The following PBRM1 variants were observed in gnomAD, a reference collection of about 807,000 sequenced individuals.
PBRM1 encodes the protein polybromo 1.
PBRM1 carries 27 observed loss-of-function variants against 194.5 expected under a neutral mutation model. That is an observed-to-expected ratio of 0.14 (90% confidence interval 0.10 to 0.19). PBRM1 has a LOEUF of 0.19. Ranked by LOEUF, PBRM1 falls within the 10% of genes least tolerant of loss-of-function variation. The pLI is 1.00. For synonymous variants in PBRM1, 655 were observed against 693.2 expected (o/e 0.94, Z 0.87); for missense variants, 1,466 against 2,077.2 (o/e 0.71, Z 5.72).
chr3:52,594,921 G>A (rs1046391371), intron 17 of PBRM1, among the ~76,000 whole-genome samples: 3 of 152,156 alleles, frequency 2.0e-5, no homozygotes, highest in African/African-American at 7.2e-5. Flanking sequence ...GGCTTGCAGC[G>A]TTTGTGCTGA....
At chr3:52,658,975 G>A (rs1050555860) in intron 4 of PBRM1, among the ~76,000 whole-genome samples, 3 of 152,294 alleles carry the variant, frequency 2.0e-5, no homozygotes, top group African/African-American at 7.2e-5. Flanking sequence ...TATATCTGCT[G>A]TTCACATCTA....
chr3:52,601,260 C>T (rs934965012), intron 17 of PBRM1, among the ~76,000 whole-genome samples: 1 of 152,250 alleles, frequency 6.6e-6, no homozygotes, highest in African/African-American at 2.4e-5. Context: ...TGGCTTAGGG[C>T]GGCAGCCCCC....
chr3:52,616,845 T>C (rs1456585583), intron 14 of PBRM1, among the ~76,000 whole-genome samples: 1 of 152,208 alleles, frequency 6.6e-6, no homozygotes, highest in African/African-American at 2.4e-5. Context: ...GTAGTAATGA[T>C]GATGATGAAA....
chr3:52,588,700 G>A (rs998181190), intron 18 of PBRM1, among the ~76,000 whole-genome samples: 6 of 151,798 alleles, frequency 4.0e-5, no homozygotes, highest in South Asian at 2.1e-4. Context: ...GACTACAGGC[G>A]CCCGCCACCA....
At chr3:52,593,061 A>C (rs2093247340) in intron 17 of PBRM1, among the ~76,000 whole-genome samples, 1 of 151,990 alleles carries the variant, frequency 6.6e-6, no homozygotes, top group Non-Finnish European at 1.5e-5. Context: ...TCATTATTCT[A>C]GCTAGCGGTC....
At chr3:52,565,888 A>C (rs2085030232) in intron 22 of PBRM1, among the ~76,000 whole-genome samples, 1 of 152,072 alleles carries the variant, frequency 6.6e-6, no homozygotes, top group Non-Finnish European at 1.5e-5. Flanking sequence ...GTCTCTACTA[A>C]CAGTACAAAA....
intron 10 of PBRM1, 49 bp downstream of exon 11, chr3:52,641,905 A>G (rs758012328): frequency 1.9e-6 from 2 of 1,059,578 alleles, no homozygotes; most frequent in Non-Finnish European, 3.0e-6. Flanking sequence ...TCATTTAGCT[A>G]GAAGGATCCA....
At chr3:52,589,330 A>C in intron 17 of PBRM1, 75 bp from the exon 20 acceptor site, 1 of 862,596 alleles carries the variant, frequency 1.2e-6, no homozygotes, top group South Asian at 2.0e-5. Flanking sequence ...GTAGGGTTCA[A>C]ACAACACATA....
chr3:52,655,994 G>A (rs976483830), intron 5 of PBRM1, among the ~76,000 whole-genome samples: 5 of 152,206 alleles, frequency 3.3e-5, no homozygotes, highest in African/African-American at 1.2e-4. Context: ...AATTCAGGGA[G>A]TAGAAAAGAA....
upstream of PBRM1, among the ~76,000 whole-genome samples, chr3:52,684,648 A>C (rs1406647516): frequency 1.3e-5 from 2 of 152,212 alleles, no homozygotes; most frequent in Non-Finnish European, 2.9e-5. Context: ...GTTTTAGTGA[A>C]GGTTCTTCCA....
At chr3:52,640,832 T>C (rs756968603) in intron 10 of PBRM1, among the ~76,000 whole-genome samples, 4 of 151,958 alleles carry the variant, frequency 2.6e-5, no homozygotes, top group Non-Finnish European at 4.4e-5. Context: ...AGAGACACGG[T>C]TTCACCATGT....
intron 4 of PBRM1, among the ~76,000 whole-genome samples, chr3:52,660,978 C>T (rs904526252): frequency 1.3e-5 from 2 of 152,084 alleles, no homozygotes; most frequent in African/African-American, 4.8e-5. Context: ...GAGTTGTGAT[C>T]CCCTCTACTA....
intron 7 of PBRM1, among the ~76,000 whole-genome samples, chr3:52,646,102 CAACA>C (rs2096282195): frequency 1.3e-5 from 2 of 152,218 alleles, no homozygotes; most frequent in Non-Finnish European, 2.9e-5. Flanking sequence ...TTAACTGTAA[CAACA>C]AACAATTAGT....
intron 3 of PBRM1, among the ~76,000 whole-genome samples, chr3:52,667,721 C>G (rs1213928525): frequency 7.3e-6 from 1 of 136,812 alleles, no homozygotes; most frequent in Non-Finnish European, 1.5e-5. Context: ...CCACTGCACT[C>G]TAGCCTGGGC....
At chr3:52,662,149 C>A (rs758198630) in exon 4 of PBRM1, 4 of 1,614,000 alleles carry the variant, frequency 2.5e-6, no homozygotes, top group Admixed American at 3.3e-5. Flanking sequence ...AGTCACTGTG[C>A]CCTGATTGTC....
Position 52,609,154 on chromosome 3 carries a change from C to T in PBRM1, c.2567+159G>A. 1 of 618,718 alleles carries T rather than the reference C, an allele frequency of 1.6e-6. No individual in the cohort carries two copies. The highest frequency in any genetic ancestry group is 2.8e-5 in the East Asian group (1 of 35,848). 38.3% of individuals were successfully genotyped at this position (618,718 alleles called of 1,614,324 possible). On this transcript the variant is annotated intron_variant, in intron 16 of 29. Transcript: ENST00000296302. The surrounding 1 kb of genome is among the most constrained non-coding windows in gnomAD (Gnocchi z 4.1). Reference sequence around the variant, plus strand: ...CCTTCTCTCCCCCACAGAATATACTCACTCTTAAGAAGTTCTGGCTGATTA... The same window carrying T: ...CCTTCTCTCCCCCACAGAATATACTTACTCTTAAGAAGTTCTGGCTGATTA...
chr3:52,614,647 T>C (rs1172751880), intron 15 of PBRM1, among the ~76,000 whole-genome samples: 1 of 150,848 alleles, frequency 6.6e-6, no homozygotes, highest in East Asian at 2.0e-4. Flanking sequence ...CTTGGCTCAC[T>C]GCAACCTCCG....
At chr3:52,575,781 T>C (rs1349369981) in intron 22 of PBRM1, among the ~76,000 whole-genome samples, 2 of 151,534 alleles carry the variant, frequency 1.3e-5, no homozygotes, top group Non-Finnish European at 2.9e-5. Flanking sequence ...CCCAAAGTGC[T>C]GGGATTACAG....
Position 52,627,067 on chromosome 3 carries a change from T to C in PBRM1, c.1541+206A>G, listed in dbSNP as rs576427831. Among the ~76,000 whole-genome samples, 11 of 151,490 alleles carry C rather than the reference T, an allele frequency of 7.3e-5. No homozygotes were observed. The South Asian group carries it at 2.3e-3, about 32-fold the overall frequency. On this transcript the variant is annotated intron_variant, in intron 13 of 29. Transcript: ENST00000296302. The stretch of plus-strand genomic sequence containing the variant: ...TGCCAAGCTACATATGTAGTAGTCA[T>C]TTTCATCTGGGTCATCTAAAAGTAA...
Sources: allele counts gnomAD v4.1 joint callset (sites outside exome capture counted in the v4.1 genomes callset), GRCh38; gene constraint gnomAD v4.1.1; non-coding constraint Gnocchi (gnomAD v3.1); transcripts MANE v1.5; gene names NCBI Gene and HGNC (gene_info 2026-07-23, HGNC 2026-07-21).